The following LEPR variants were observed in gnomAD, a reference collection of about 807,000 sequenced individuals.
The protein encoded by LEPR is leptin receptor.
Under a neutral mutation model 114.7 loss-of-function variants are expected in LEPR, and 56 were observed. That is an observed-to-expected ratio of 0.49 (90% CI 0.39 to 0.61). The LOEUF is 0.61. Ranked by LOEUF, LEPR falls within the 20% of genes least tolerant of loss-of-function variation. LEPR has a pLI of 0.00. For synonymous variants in LEPR, 443 were observed against 461.4 expected (o/e 0.96, Z 0.51); for missense variants, 1,202 against 1,352.9 (o/e 0.89, Z 1.75).
intron 2 of LEPR, among the ~76,000 whole-genome samples, chr1:65,530,313 T>C (rs534349674): frequency 1.3e-5 from 2 of 152,332 alleles, no homozygotes; most frequent in South Asian, 2.1e-4. Context: ...ATTACTTCCA[T>C]GGCTCTGTTA....
chr1:65,557,340 A>C (rs1307359639), intron 2 of LEPR, among the ~76,000 whole-genome samples: 1 of 152,152 alleles, frequency 6.6e-6, no homozygotes, highest in Non-Finnish European at 1.5e-5. Flanking sequence ...TGTTTGGTGT[A>C]TTAGGCTTAT....
At chr1:65,475,802 G>A (rs911250536) in intron 2 of LEPR, among the ~76,000 whole-genome samples, 9 of 152,014 alleles carry the variant, frequency 5.9e-5, no homozygotes, top group African/African-American at 2.2e-4. Context: ...GATCACTTGA[G>A]CCCACCATTA....
At chr1:65,609,921 A>G (rs192877236) in intron 12 of LEPR, 26 bp from the exon 13 acceptor site, 56 of 1,614,124 alleles carry the variant, frequency 3.5e-5, no homozygotes, top group South Asian at 2.4e-4. Flanking sequence ...GTAATGATCA[A>G]TCTAATGCTT....
At chr1:65,564,177 T>C (rs1171142188) in intron 2 of LEPR, among the ~76,000 whole-genome samples, 2 of 150,252 alleles carry the variant, frequency 1.3e-5, no homozygotes, top group Admixed American at 1.3e-4. Context: ...CAGTTTGATC[T>C]CAGACTGCTG....
At chr1:65,623,164 A>C in intron 19 of LEPR, 183 bp downstream of exon 19, 1 of 634,800 alleles carries the variant, frequency 1.6e-6, no homozygotes, top group Non-Finnish European at 2.7e-6. Flanking sequence ...ATCAGGAAGA[A>C]ACAAATTTCA....
intron 2 of LEPR, among the ~76,000 whole-genome samples, chr1:65,438,534 G>A (rs1156641524): frequency 7.8e-6 from 1 of 127,978 alleles, no homozygotes; most frequent in African/African-American, 3.1e-5. Context: ...TGGCGACAGA[G>A]CGAGACTCTG....
intron 10 of LEPR, among the ~76,000 whole-genome samples, chr1:65,602,876 A>G (rs962876515): frequency 6.6e-6 from 1 of 152,124 alleles, no homozygotes; most frequent in Non-Finnish European, 1.5e-5. Flanking sequence ...CCTACCTAAT[A>G]TGAGTATTTT....
At chr1:65,614,977 AT>A (rs2100987482) in intron 14 of LEPR, among the ~76,000 whole-genome samples, 1 of 152,268 alleles carries the variant, frequency 6.6e-6, no homozygotes, top group South Asian at 2.1e-4. Flanking sequence ...GAAGCTTAAC[AT>A]TCTCTTACTT....
chr1:65,587,522 A>G (rs1169540918), intron 5 of LEPR, among the ~76,000 whole-genome samples: 1 of 152,054 alleles, frequency 6.6e-6, no homozygotes, highest in Non-Finnish European at 1.5e-5. Flanking sequence ...GTAAACATAG[A>G]TGGTTCGGGG....
chr1:65,546,522 A>C (rs1651740584), intron 2 of LEPR, among the ~76,000 whole-genome samples: 1 of 152,166 alleles, frequency 6.6e-6, no homozygotes, highest in African/African-American at 2.4e-5. Context: ...GAGGTCCTTC[A>C]CATCCCTTGT....
At chr1:65,586,701 G>T (rs1267191110) in intron 5 of LEPR, among the ~76,000 whole-genome samples, 3 of 151,858 alleles carry the variant, frequency 2.0e-5, no homozygotes, top group Non-Finnish European at 4.4e-5. Context: ...GATTTGGCCT[G>T]TGGGCCAGAG....
At chr1:65,427,034 C>T (rs947214504) in intron 2 of LEPR, among the ~76,000 whole-genome samples, 3 of 151,856 alleles carry the variant, frequency 2.0e-5, no homozygotes, top group African/African-American at 7.3e-5. Flanking sequence ...GTGGTTAAGA[C>T]CTATTGAAGT....
chr1:65,601,137 T>A (rs1183889379), intron 8 of LEPR, among the ~76,000 whole-genome samples: 1 of 152,054 alleles, frequency 6.6e-6, no homozygotes, highest in Non-Finnish European at 1.5e-5. Context: ...ACATATTTTA[T>A]GATGAATAAG....
At chr1:65,461,220 C>G (rs564986206) in intron 2 of LEPR, among the ~76,000 whole-genome samples, 40 of 152,280 alleles carry the variant, frequency 2.6e-4, no homozygotes, top group African/African-American at 9.4e-4. Context: ...AGATATCCGC[C>G]TGCCTCGGCC....
intron 19 of LEPR, among the ~76,000 whole-genome samples, chr1:65,635,867 A>G (rs1168776411): frequency 6.6e-6 from 1 of 152,126 alleles, no homozygotes; most frequent in Non-Finnish European, 1.5e-5. Context: ...TGCAGACACT[A>G]ATTTATTTCT....
chr1:65,478,259 C>T (rs1647180251), intron 2 of LEPR, among the ~76,000 whole-genome samples: 1 of 152,166 alleles, frequency 6.6e-6, no homozygotes, highest in Non-Finnish European at 1.5e-5. Flanking sequence ...CTCTCCAAGT[C>T]CCCCTTTGGT....
chr1:65,488,368 C>G (rs555320079), intron 2 of LEPR, among the ~76,000 whole-genome samples: 71 of 147,324 alleles, frequency 4.8e-4, no homozygotes, highest in South Asian at 3.7e-3. Flanking sequence ...ATTCCATCAC[C>G]CTGGCTGGAG....
At position 65,566,391 on chromosome 1, in the gene LEPR, C is replaced by T. The variant is rs575540529; in HGVS notation, c.40+786C>T. 5.3e-5 allele frequency among the ~76,000 whole-genome samples: 8 copies of T among 151,888 alleles called. No individual in the cohort carries two copies. The East Asian group carries it at 7.8e-4, about 15-fold the overall frequency. Reference sequence around the variant, plus strand: ...ATAATTTTTGTATTTTTAGTAGAGACGGGGTTTCACTGCGTTGGCCAGATG... The same window carrying T: ...ATAATTTTTGTATTTTTAGTAGAGATGGGGTTTCACTGCGTTGGCCAGATG... On this transcript the variant is annotated intron_variant, in intron 3 of 19. Coordinates refer to ENST00000349533, the MANE Select transcript of LEPR (RefSeq NM_002303.6).
chr1:65,427,773 G>GT (rs1283224342), intron 2 of LEPR: 12 of 403,086 alleles, frequency 3.0e-5, no homozygotes, highest in African/African-American at 2.5e-4. Flanking sequence ...TTAATTTTTT[G>GT]TTTTTTAGAG....
Sources: allele counts gnomAD v4.1 joint callset (sites outside exome capture counted in the v4.1 genomes callset), GRCh38; gene constraint gnomAD v4.1.1; transcripts MANE v1.5; gene names NCBI Gene and HGNC (gene_info 2026-07-23, HGNC 2026-07-21).